The following PEF1 variants were observed in gnomAD, a reference collection of about 807,000 sequenced individuals.
PEF1 encodes penta-EF-hand domain containing 1.
A neutral mutation model predicts 32.0 loss-of-function variants in PEF1; 17 were observed. The observed-to-expected ratio is 0.53, with a 90% CI of 0.36 to 0.80. The LOEUF (loss-of-function observed/expected upper bound fraction) is 0.80. PEF1 is among the 30% of genes least tolerant of loss of function. PEF1 has a pLI of 0.00. For missense variants in PEF1, 362 were observed against 369.1 expected, an observed-to-expected ratio of 0.98 and a Z score of 0.16; for synonymous variants, 130 against 139.8, an observed-to-expected ratio of 0.93 and a Z score of 0.50.
intron 4 of PEF1, among the ~76,000 whole-genome samples, chr1:31,631,698 G>A (rs1226158245): frequency 2.0e-5 from 3 of 152,198 alleles, no homozygotes; most frequent in Non-Finnish European, 4.4e-5. Flanking sequence ...CAGTAAATAC[G>A]TTTTGTTGTG....
intron 3 of PEF1, 47 bp downstream of exon 3, chr1:31,633,112 A>G: frequency 6.3e-7 from 1 of 1,577,742 alleles, no homozygotes; most frequent in Non-Finnish European, 8.6e-7. Context: ...GTCCACTATC[A>G]GGTGGCTCTG....
chr1:31,638,818 A>T (rs939288557), intron 1 of PEF1, among the ~76,000 whole-genome samples: 2 of 152,250 alleles, frequency 1.3e-5, no homozygotes, highest in Non-Finnish European at 2.9e-5. Context: ...AAACTAAGCC[A>T]CGGAGCTGTT....
chr1:31,643,568 C>A (rs967428905), intron 1 of PEF1, among the ~76,000 whole-genome samples: 1 of 152,176 alleles, frequency 6.6e-6, no homozygotes, highest in Non-Finnish European at 1.5e-5. Flanking sequence ...TTTTGGGAAG[C>A]CACTTAACCT....
chr1:31,632,666 G>A, intron 3 of PEF1, 28 bp from the exon 4 acceptor site: 1 of 1,609,936 alleles, frequency 6.2e-7, no homozygotes, highest in Non-Finnish European at 8.5e-7. Flanking sequence ...AAGGAGGGGA[G>A]GAAGGCTTCA....
In PEF1 at chr1:31,635,473, T is replaced by C. The variant is rs771699009; in HGVS notation, c.74A>G (p.Tyr25Cys). ...TCCACTATTGGGGGGTCCAGGGTAGTAGCTACCCGGAGGGGCTCCTGGTGC... is the reference window on the plus strand; with the variant it reads ...TCCACTATTGGGGGGTCCAGGGTAGCAGCTACCCGGAGGGGCTCCTGGTGC... ...GQAPGAPPGS[Y>C]YPGPPNSGGQ... is the part of the protein sequence containing the mutation. The change falls in exon 2 of 5, where the codon TAC (tyrosine) becomes TGC (cysteine). Residue 25 changes from tyrosine (Y) to cysteine (C), a missense_variant. Coordinates refer to ENST00000373703, the MANE Select transcript of PEF1 (RefSeq NM_012392.4). The C allele has an allele frequency of 1.3e-6, 2 of 1,547,768 alleles. No homozygotes were observed. Among genetic ancestry groups the C allele is most frequent in the South Asian group, 2.4e-5 (2 of 82,430 alleles).
chr1:31,634,356 T>C (rs899775562), intron 2 of PEF1, among the ~76,000 whole-genome samples: 3 of 152,220 alleles, frequency 2.0e-5, no homozygotes, highest in Non-Finnish European at 2.9e-5. Context: ...CCTTACTAGC[T>C]TGTGTGACTT....
At chr1:31,640,507 C>T in intron 1 of PEF1, among the ~76,000 whole-genome samples, 1 of 152,094 alleles carries the variant, frequency 6.6e-6, no homozygotes, top group East Asian at 1.9e-4. Flanking sequence ...GAGGGGAAGG[C>T]TGGATTGGGT....
chr1:31,642,711 C>A (rs1461124144), intron 1 of PEF1, among the ~76,000 whole-genome samples: 4 of 152,192 alleles, frequency 2.6e-5, no homozygotes, highest in Admixed American at 2.0e-4. Flanking sequence ...CCAGGAATAG[C>A]CCAGGCAGCA....
Position 31,644,855 on chromosome 1 carries a change from A to C in PEF1, c.10T>G (p.Tyr4Asp). The C allele has an allele frequency of 6.2e-7, 1 of 1,613,976 alleles. No individual in the cohort carries two copies. Among genetic ancestry groups the C allele is most frequent in the Non-Finnish European group, 8.5e-7 (1 of 1,179,910 alleles). The change falls in exon 1 of 5, where the codon TAT becomes GAT. Residue 4 changes from tyrosine to aspartate, a missense_variant. Physicochemically the swap from Tyr to Asp is radical, Grantham distance 160. Coordinates refer to ENST00000373703, the MANE Select transcript of PEF1 (RefSeq NM_012392.4). ...CACACACTCACCTGCCGGTAAGGAT[A>C]GCTGGCCATGGTGATTCTGACGTCA... MAS[Y>D]PYRQGCPGAA...
intron 1 of PEF1, among the ~76,000 whole-genome samples, chr1:31,640,271 C>T (rs1640361378): frequency 6.6e-6 from 1 of 152,140 alleles, no homozygotes; most frequent in Non-Finnish European, 1.5e-5. Context: ...GTGTCATCTC[C>T]ATTTTGCAGA....
chr1:31,638,075 G>A (rs898596791), intron 1 of PEF1, among the ~76,000 whole-genome samples: 2 of 152,166 alleles, frequency 1.3e-5, no homozygotes, highest in Non-Finnish European at 2.9e-5. Flanking sequence ...AAGGAAAACA[G>A]GTGTTTGAAA....
intron 1 of PEF1, among the ~76,000 whole-genome samples, chr1:31,637,914 C>T (rs1401184441): frequency 6.6e-6 from 1 of 152,154 alleles, no homozygotes; most frequent in Non-Finnish European, 1.5e-5. Flanking sequence ...GTCATAGCTG[C>T]TATTGCTATA....
At position 31,635,256 on chromosome 1, in the gene PEF1, G is replaced by A. The variant is rs1476319197; in HGVS notation, c.291C>T (p.Ser97=). The part of the protein sequence containing the change: ...GGPYGQPPPS[S]YGAQQPGLYG... ...AAAGCCCAGGCTGCTGGGCACCGTAGGAACTTGGAGGTGGCTGACCATAGG... is the reference window on the plus strand; with the variant it reads ...AAAGCCCAGGCTGCTGGGCACCGTAAGAACTTGGAGGTGGCTGACCATAGG... The change falls in exon 2 of 5, where the codon TCC becomes TCT. Residue 97 remains serine, a synonymous_variant. Transcript: ENST00000373703. 1 of 1,614,186 alleles carries A rather than the reference G, an allele frequency of 6.2e-7. No homozygotes were observed. The highest frequency in any genetic ancestry group is 8.5e-7 in the Non-Finnish European group (1 of 1,180,028).
chr1:31,633,016 A>G (rs923785518), intron 3 of PEF1, 143 bp downstream of exon 3: 3 of 983,438 alleles, frequency 3.1e-6, no homozygotes, highest in Non-Finnish European at 4.4e-6. Flanking sequence ...AGGGGATCTC[A>G]CCCTGAACCT....
Position 31,630,603 on chromosome 1 carries a change from G to C in PEF1, c.*10C>G, listed in dbSNP as rs1446515641. ...TCCCTGGTGCACTCCACTCTCCACA[G>C]ATGGTTGGGTCATAGCATCCGAGAA... On this transcript the variant is annotated 3_prime_UTR_variant, in exon 5 of 5. Coordinates refer to ENST00000373703, the MANE Select transcript of PEF1 (RefSeq NM_012392.4). 2.5e-6 allele frequency: 4 copies of C among 1,611,556 alleles called. No individual in the cohort carries two copies. The Admixed American group carries it at 6.7e-5, about 27-fold the overall frequency.
intron 2 of PEF1, chr1:31,634,726 C>G (rs1640209204): frequency 2.5e-6 from 1 of 392,176 alleles, no homozygotes; most frequent in Non-Finnish European, 5.1e-6. Context: ...CATCCTCTCC[C>G]ACTGCCTGGT....
chr1:31,637,818 A>G (rs547436064), intron 1 of PEF1, among the ~76,000 whole-genome samples: 1 of 152,278 alleles, frequency 6.6e-6, no homozygotes, highest in Admixed American at 6.5e-5. Context: ...AACCCCTCAC[A>G]GTGACTGAAA....
intron 1 of PEF1, 170 bp downstream of exon 1, chr1:31,644,671 G>A (rs954284147): frequency 1.1e-5 from 16 of 1,467,750 alleles, no homozygotes; most frequent in South Asian, 1.1e-4. Context: ...TTCATGACGT[G>A]AGCAGGGCGC....
chr1:31,638,290 TG>T (rs1317367404), intron 1 of PEF1, among the ~76,000 whole-genome samples: 1 of 152,116 alleles, frequency 6.6e-6, no homozygotes, highest in Non-Finnish European at 1.5e-5. Flanking sequence ...GGGAGGGACT[TG>T]CCCAAGTAAT....
Sources: allele counts gnomAD v4.1 joint callset (sites outside exome capture counted in the v4.1 genomes callset), GRCh38; gene constraint gnomAD v4.1.1; transcripts MANE v1.5; gene names NCBI Gene and HGNC (gene_info 2026-07-23, HGNC 2026-07-21).